SETBP1: variants seen among roughly 807,000 people sequenced by gnomAD.
The protein encoded by SETBP1 is SET binding protein 1.
A neutral mutation model predicts 101.0 loss-of-function variants in SETBP1; 9 were observed. The ratio of observed to expected loss-of-function variants is 0.09; its 90% CI spans 0.05 to 0.16. The LOEUF (loss-of-function observed/expected upper bound fraction) is 0.16. Among genes scored for constraint, SETBP1 ranks in the 10% least tolerant of loss-of-function variants. SETBP1 has a pLI of 1.00. For missense variants in SETBP1, 1,858 were observed against 2,033.8 expected, an observed-to-expected ratio of 0.91 and a Z score of 1.66; for synonymous variants, 818 against 788.5, an observed-to-expected ratio of 1.04 and a Z score of -0.63.
At position 44,701,506 on chromosome 18, in the gene SETBP1, C is replaced by A. The variant is rs1325528399; in HGVS notation, c.160C>A (p.Arg54Ser). Residue 54 changes from arginine to serine, a missense_variant, in exon 2 of 6, where the codon CGC becomes AGC. Physicochemically the swap from Arg to Ser is moderately radical, Grantham distance 110 (BLOSUM62 -1). This residue lies in a region of SETBP1 where 97 missense variants were observed against 101.2 expected (regional missense o/e 0.96). Transcript: ENST00000649279. ...GAAGGGGATCCCGGTGGGCGGAGAG[C>A]GCATGGAGCCAGAGGAGGAGGATGA... ...PGKGIPVGGE[R>S]MEPEEEDELG... The A allele has an allele frequency of 6.2e-7, 1 of 1,613,674 alleles. No homozygotes were observed. The highest frequency in any genetic ancestry group is 1.3e-5 in the African/African-American group (1 of 74,822).
At chr18:44,724,447 G>T (rs996691092) in intron 2 of SETBP1, among the ~76,000 whole-genome samples, 3 of 152,204 alleles carry the variant, frequency 2.0e-5, no homozygotes, top group African/African-American at 7.2e-5. Flanking sequence ...CAGAGAAGAG[G>T]CTCTGAAGAC....
chr18:45,015,582 G>A (rs1274676052), intron 4 of SETBP1, among the ~76,000 whole-genome samples: 1 of 152,156 alleles, frequency 6.6e-6, no homozygotes, highest in Admixed American at 6.5e-5. Context: ...CTGGCAGAAG[G>A]TCAGAGGGTT....
At chr18:44,912,150 A>ATCTAG (rs2070324753) in intron 3 of SETBP1, among the ~76,000 whole-genome samples, 2 of 151,994 alleles carry the variant, frequency 1.3e-5, no homozygotes, top group South Asian at 4.2e-4. Flanking sequence ...TTTCTAGATG[A>ATCTAG]TCTAGTCTTT....
intron 2 of SETBP1, among the ~76,000 whole-genome samples, chr18:44,743,891 C>T (rs1168477691): frequency 1.3e-5 from 2 of 152,192 alleles, no homozygotes; most frequent in Non-Finnish European, 2.9e-5. Context: ...CACTGAATGG[C>T]CCTCTAGCAG....
chr18:45,027,408 A>T (rs1449049523), intron 4 of SETBP1, among the ~76,000 whole-genome samples: 2 of 152,190 alleles, frequency 1.3e-5, no homozygotes, highest in South Asian at 2.1e-4. Context: ...AGCTTGCAAT[A>T]ACCCAATGTC....
chr18:45,038,304 C>G (rs2073439535), intron 4 of SETBP1, among the ~76,000 whole-genome samples, 181 bp from the exon 5 acceptor site: 2 of 152,240 alleles, frequency 1.3e-5, no homozygotes, highest in African/African-American at 4.8e-5. Context: ...ACTTCAGCCA[C>G]AAAAGCAAAA....
chr18:44,996,252 A>T (rs773147910), intron 4 of SETBP1, among the ~76,000 whole-genome samples: 7 of 152,218 alleles, frequency 4.6e-5, no homozygotes, highest in Non-Finnish European at 1.0e-4. Context: ...GGCACATGAA[A>T]AGTCTTCTCC....
chr18:44,952,489 C>G lies in SETBP1; in HGVS notation c.3149C>G (p.Pro1050Arg). Residue 1050 changes from proline (P) to arginine (R), a missense_variant, in exon 4 of 6, where the codon CCC (proline) becomes CGC (arginine). Physicochemically the swap from Pro to Arg is moderately radical, Grantham distance 103. Transcript: ENST00000649279. The stretch of plus-strand genomic sequence containing the variant: ...ATTCCCAGTGGAAGTTACTATGCAC[C>G]CTATGGAATGCCTTACACATCAATG... ...YPIPSGSYYA[P>R]YGMPYTSMPM... 1 of 1,614,006 alleles carries G rather than the reference C, an allele frequency of 6.2e-7. No individual in the cohort carries two copies. Among genetic ancestry groups the G allele is most frequent in the Non-Finnish European group, 8.5e-7 (1 of 1,180,014 alleles).
intron 2 of SETBP1, among the ~76,000 whole-genome samples, chr18:44,855,594 C>A (rs2072959043): frequency 1.3e-5 from 2 of 152,210 alleles, no homozygotes; most frequent in Admixed American, 1.3e-4. Context: ...GCCAGATGGG[C>A]ACATCTCTTT....
At position 45,008,393 on chromosome 18, in the gene SETBP1, GT is replaced by G. The variant is rs974642601; in HGVS notation, c.4001-30091del. On this transcript the variant is annotated intron_variant, in intron 4 of 5. Coordinates refer to ENST00000649279, the MANE Select transcript of SETBP1 (RefSeq NM_015559.3). ...ACAGAAATTTTACCCTGAGATTTGT[GT>G]CTCTTCTCTCATGAATGTATCAGAG... Among the ~76,000 whole-genome samples the G allele has an allele frequency of 5.9e-5, 9 of 152,278 alleles. No individual in the cohort carries two copies. The South Asian group carries it at 1.9e-3, about 32-fold the overall frequency.
At chr18:44,907,191 C>G (rs539154818) in intron 3 of SETBP1, among the ~76,000 whole-genome samples, 7 of 152,088 alleles carry the variant, frequency 4.6e-5, no homozygotes, top group Non-Finnish European at 1.0e-4. Flanking sequence ...ATACTTTGTT[C>G]TTTTTATGGC....
At chr18:44,903,165 T>C (rs894584834) in intron 3 of SETBP1, among the ~76,000 whole-genome samples, 1 of 152,028 alleles carries the variant, frequency 6.6e-6, no homozygotes, top group Non-Finnish European at 1.5e-5. Flanking sequence ...TGATTCCACA[T>C]CAGTTAAGCA....
chr18:44,877,675 T>TGACA (rs2069439686), intron 3 of SETBP1, among the ~76,000 whole-genome samples: 1 of 152,202 alleles, frequency 6.6e-6, no homozygotes, highest in African/African-American at 2.4e-5. Flanking sequence ...AAGCCCAAAC[T>TGACA]GACACTTTTA....
intron 2 of SETBP1, among the ~76,000 whole-genome samples, chr18:44,825,936 A>G (rs2072228852): frequency 1.3e-5 from 2 of 152,190 alleles, no homozygotes; most frequent in African/African-American, 4.8e-5. Flanking sequence ...TAATCTCTCT[A>G]CACCTCGATT....
At chr18:44,746,952 G>A (rs1286058257) in intron 2 of SETBP1, among the ~76,000 whole-genome samples, 1 of 152,200 alleles carries the variant, frequency 6.6e-6, no homozygotes, top group African/African-American at 2.4e-5. Context: ...GATGCATACG[G>A]CACCTAAGTT....
At chr18:44,948,437 T>G (rs755428113) in intron 3 of SETBP1, among the ~76,000 whole-genome samples, 1 of 151,996 alleles carries the variant, frequency 6.6e-6, no homozygotes, top group Non-Finnish European at 1.5e-5. Flanking sequence ...TGTTTTCCTA[T>G]AAAGCATAAG....
Position 44,995,529 on chromosome 18 carries a change from TTGTGTGTGTG to T in SETBP1, c.4000+42225_4000+42234del, listed in dbSNP as rs60256060. On this transcript the variant is annotated intron_variant, in intron 4 of 5. Coordinates refer to ENST00000649279, the MANE Select transcript of SETBP1 (RefSeq NM_015559.3). ...TTTTAAAATGTACATGTCCAGGCTT[TTGTGTGTGTG>T]TGTGTGTGTGTGTGTGTGTGTGTGT... is the stretch of plus-strand genomic sequence containing the variant. Among the ~76,000 whole-genome samples, 815 of 142,968 alleles carry T rather than the reference TTGTGTGTGTG, an allele frequency of 5.7e-3. 9 individuals carry two copies. The highest frequency in any genetic ancestry group is 0.02 in the African/African-American group (753 of 38,346). The allele number at this position is 142,968 out of a possible 152,430, so 93.8% of individuals were successfully genotyped here.
intron 5 of SETBP1, among the ~76,000 whole-genome samples, chr18:45,040,313 A>T (rs947912685): frequency 2.0e-5 from 3 of 150,770 alleles, no homozygotes; most frequent in African/African-American, 7.2e-5. Context: ...TACTCCTGAG[A>T]CTTGATGGAT....
At chr18:44,913,214 C>T (rs919353985) in intron 3 of SETBP1, among the ~76,000 whole-genome samples, 4 of 152,170 alleles carry the variant, frequency 2.6e-5, no homozygotes, top group African/African-American at 9.7e-5. Context: ...GCTTCCCATA[C>T]GCCCACAGAA....
Sources: allele counts gnomAD v4.1 joint callset (sites outside exome capture counted in the v4.1 genomes callset), GRCh38; gene constraint gnomAD v4.1.1; regional missense constraint gnomAD v4.1.1; transcripts MANE v1.5; gene names NCBI Gene and HGNC (gene_info 2026-07-23, HGNC 2026-07-21).